Variants in MYRIP observed in about 807,000 individuals in gnomAD.
The protein encoded by MYRIP is myosin VIIA and Rab interacting protein, also known as rab effector MyRIP.
Under a neutral mutation model 98.0 loss-of-function variants are expected in MYRIP, and 49 were observed. The ratio of observed to expected loss-of-function variants is 0.50; its 90% confidence interval spans 0.40 to 0.63. The LOEUF (loss-of-function observed/expected upper bound fraction) is 0.63. MYRIP is among the 30% of genes least tolerant of loss of function. MYRIP has a pLI of 0.00. For synonymous variants in MYRIP, 404 were observed against 409.5 expected, an observed-to-expected ratio of 0.99 and a Z score of 0.16; for missense variants, 1,004 against 1,058.2, an observed-to-expected ratio of 0.95 and a Z score of 0.71.
chr3:39,859,806 C>T (rs1942412738), intron 1 of MYRIP, among the ~76,000 whole-genome samples: 1 of 152,094 alleles, frequency 6.6e-6, no homozygotes, highest in Non-Finnish European at 1.5e-5. Context: ...TGACAAAATT[C>T]AACATCCTTC....
chr3:39,896,897 A>T, intron 1 of MYRIP, among the ~76,000 whole-genome samples: 1 of 151,870 alleles, frequency 6.6e-6, no homozygotes, highest in Non-Finnish European at 1.5e-5. Flanking sequence ...ATTAACCAGT[A>T]CCTGTAGACA....
intron 2 of MYRIP, among the ~76,000 whole-genome samples, chr3:39,930,608 G>A (rs556871912): frequency 6.6e-6 from 1 of 151,846 alleles, no homozygotes; most frequent in African/African-American, 2.4e-5. Context: ...CCTATCCAAG[G>A]TTGTAAAGAT....
intron 2 of MYRIP, among the ~76,000 whole-genome samples, chr3:39,925,121 T>C (rs115443534): frequency 0.037 from 5,553 of 151,478 alleles, 339 homozygotes; most frequent in African/African-American, 0.13. Context: ...TGAGATCATT[T>C]AGGTTGTAAA....
intron 4 of MYRIP, among the ~76,000 whole-genome samples, chr3:40,157,888 T>C (rs1199094649): frequency 5.3e-5 from 8 of 152,124 alleles, no homozygotes; most frequent in Non-Finnish European, 4.4e-5. Context: ...TTCTCTCTCT[T>C]TTTCTTTATT....
chr3:40,019,782 T>G (rs1946950974), intron 2 of MYRIP, among the ~76,000 whole-genome samples: 1 of 151,646 alleles, frequency 6.6e-6, no homozygotes, highest in Admixed American at 6.6e-5. Flanking sequence ...GAATTACCAT[T>G]AGCACAATAC....
At chr3:39,831,146 C>T (rs1575282945) in intron 1 of MYRIP, among the ~76,000 whole-genome samples, 1 of 152,080 alleles carries the variant, frequency 6.6e-6, no homozygotes, top group African/African-American at 2.4e-5. Flanking sequence ...TTCTCATATT[C>T]TGCTTGACCT....
intron 16 of MYRIP, among the ~76,000 whole-genome samples, chr3:40,256,068 G>T (rs1953580093): frequency 1.3e-5 from 2 of 152,158 alleles, no homozygotes; most frequent in South Asian, 4.1e-4. Context: ...GCCACGTGTG[G>T]CTACTGAGCA....
chr3:40,070,102 C>A (rs1285527957), intron 3 of MYRIP, among the ~76,000 whole-genome samples: 3 of 152,036 alleles, frequency 2.0e-5, no homozygotes, highest in Non-Finnish European at 4.4e-5. Context: ...GACATTGGAC[C>A]ACACATTTAT....
Position 39,815,682 on chromosome 3 carries a change from T to G in MYRIP, c.-31+5766T>G, listed in dbSNP as rs573720863. ...GGTTTTGTTTCTTCTGTTTTAAAAC[T>G]GTTTATATATTTTTTCCTTGGAATA... On this transcript the variant is annotated intron_variant, in intron 1 of 16. Transcript: ENST00000302541. Among the ~76,000 whole-genome samples, 13 of 152,318 alleles carry G rather than the reference T, an allele frequency of 8.5e-5. No individual in the cohort carries two copies. The South Asian group carries it at 2.7e-3, about 32-fold the overall frequency.
intron 2 of MYRIP, among the ~76,000 whole-genome samples, chr3:40,028,705 C>G (rs1229693724): frequency 1.3e-5 from 2 of 152,144 alleles, no homozygotes; most frequent in East Asian, 3.9e-4. Context: ...CATTTGAAGT[C>G]CTGGTCTTTC....
chr3:40,214,447 A>C (rs147193811), intron 11 of MYRIP, among the ~76,000 whole-genome samples: 124 of 152,352 alleles, frequency 8.1e-4, no homozygotes, highest in Middle Eastern at 3.4e-3. Context: ...GAACCATTTT[A>C]GAAACATACT....
At chr3:40,024,750 A>G (rs1378350026) in intron 2 of MYRIP, among the ~76,000 whole-genome samples, 1 of 152,056 alleles carries the variant, frequency 6.6e-6, no homozygotes, top group African/African-American at 2.4e-5. Flanking sequence ...GTTATTAGAG[A>G]GCTTTCCACC....
intron 3 of MYRIP, among the ~76,000 whole-genome samples, chr3:40,128,437 T>G (rs889263675): frequency 6.6e-6 from 1 of 152,180 alleles, no homozygotes; most frequent in Admixed American, 6.5e-5. Flanking sequence ...CCAAACAGCA[T>G]GTAGTTTATA....
intron 12 of MYRIP, among the ~76,000 whole-genome samples, chr3:40,243,431 T>C (rs759584704): frequency 1.3e-5 from 2 of 150,098 alleles, no homozygotes; most frequent in African/African-American, 4.9e-5. Context: ...GCATGACTAG[T>C]GTACCTGAGC....
intron 3 of MYRIP, among the ~76,000 whole-genome samples, chr3:40,066,274 G>A (rs1948125192): frequency 6.6e-6 from 1 of 152,196 alleles, no homozygotes; most frequent in South Asian, 2.1e-4. Flanking sequence ...TCTGTCTTGG[G>A]AGTTCTGATA....
intron 11 of MYRIP, among the ~76,000 whole-genome samples, chr3:40,228,074 A>G (rs1460319359): frequency 6.6e-6 from 1 of 152,184 alleles, no homozygotes; most frequent in Non-Finnish European, 1.5e-5. Context: ...GGAGTCTTGG[A>G]GGAGGGATCT....
chr3:39,906,942 G>C (rs1943893712), intron 2 of MYRIP, among the ~76,000 whole-genome samples: 1 of 152,196 alleles, frequency 6.6e-6, no homozygotes, highest in African/African-American at 2.4e-5. Context: ...GACCATCCAG[G>C]TTCAGTGTGA....
intron 3 of MYRIP, among the ~76,000 whole-genome samples, chr3:40,050,549 G>A (rs1947773557): frequency 6.6e-6 from 1 of 152,052 alleles, no homozygotes; most frequent in Non-Finnish European, 1.5e-5. Flanking sequence ...TATACAAGGA[G>A]ATGAACGTTG....
intron 3 of MYRIP, among the ~76,000 whole-genome samples, chr3:40,080,851 CTTT>C (rs1368401068): frequency 1.5e-5 from 1 of 65,994 alleles, no homozygotes. Flanking sequence ...TTCTACTCTT[CTTT>C]GTCTAATTTC....
Sources: allele counts gnomAD v4.1 joint callset (sites outside exome capture counted in the v4.1 genomes callset), GRCh38; gene constraint gnomAD v4.1.1; transcripts MANE v1.5; gene names NCBI Gene and HGNC (gene_info 2026-07-23, HGNC 2026-07-21).